The following ILKAP variants were observed in gnomAD, a reference collection of about 807,000 sequenced individuals.
The protein encoded by ILKAP is ILK associated serine/threonine phosphatase.
ILKAP carries 11 observed loss-of-function variants against 49.1 expected under a neutral mutation model. The ratio of observed to expected loss-of-function variants is 0.22; its 90% confidence interval spans 0.14 to 0.37. The LOEUF (loss-of-function observed/expected upper bound fraction) is 0.37. Among genes scored for constraint, ILKAP ranks in the 10% least tolerant of loss-of-function variants. ILKAP has a pLI of 1.00. For missense variants in ILKAP, 363 were observed against 510.8 expected, an observed-to-expected ratio of 0.71 and a Z score of 2.79; for synonymous variants, 186 against 192.8, an observed-to-expected ratio of 0.96 and a Z score of 0.29.
At chr2:238,186,638 ATT>A (rs1474343244) in intron 5 of ILKAP, 2 of 151,982 alleles carry the variant, frequency 1.3e-5, no homozygotes, top group Non-Finnish European at 2.9e-5. Context: ...TCTTATTCCC[ATT>A]CCCCTTTCAA....
chr2:238,185,149 T>C (rs768072467), intron 6 of ILKAP, 32 bp downstream of exon 6: 2 of 1,378,696 alleles, frequency 1.5e-6, no homozygotes, highest in Admixed American at 3.4e-5. Flanking sequence ...ATAACCAATT[T>C]GAGTATCAAC....
chr2:238,194,964 C>G, intron 1 of ILKAP, 94 bp from the exon 2 acceptor site: 2 of 940,570 alleles, frequency 2.1e-6, no homozygotes, highest in Admixed American at 4.2e-5. Flanking sequence ...TGCTTTGACA[C>G]AAGTTTGCTA....
chr2:238,198,580 G>A (rs1260543395), intron 1 of ILKAP, among the ~76,000 whole-genome samples: 18 of 152,146 alleles, frequency 1.2e-4, no homozygotes, highest in Admixed American at 1.0e-3. Context: ...AAAGCATTGG[G>A]GGCTGCAATC....
intron 4 of ILKAP, chr2:238,189,597 C>A (rs1694039927): frequency 3.7e-6 from 1 of 267,000 alleles, no homozygotes; most frequent in Non-Finnish European, 7.1e-6. Context: ...AAGAAAAAAA[C>A]CACCTGTATT....
chr2:238,188,028 A>T, intron 5 of ILKAP, 103 bp downstream of exon 5: 1 of 1,279,642 alleles, frequency 7.8e-7, no homozygotes, highest in Non-Finnish European at 1.1e-6. Context: ...CAATCAAGTG[A>T]TGTGTTAGAT....
At chr2:238,194,124 A>C in intron 3 of ILKAP, 151 bp downstream of exon 3, 1 of 592,910 alleles carries the variant, frequency 1.7e-6, no homozygotes. Flanking sequence ...GCTTCCAATT[A>C]ATGTGCCTGT....
At chr2:238,192,249 A>C (rs1161908242) in intron 3 of ILKAP, among the ~76,000 whole-genome samples, 1 of 152,026 alleles carries the variant, frequency 6.6e-6, no homozygotes, top group African/African-American at 2.4e-5. Context: ...AAAATAATAA[A>C]ATTTCAAAAT....
intron 4 of ILKAP, 165 bp downstream of exon 4, chr2:238,189,688 G>C: frequency 1.8e-6 from 1 of 549,212 alleles, no homozygotes; most frequent in Non-Finnish European, 3.2e-6. Context: ...AAAAGTAGGA[G>C]AAAGCACAGA....
At chr2:238,191,381 T>C (rs1367359474) in intron 3 of ILKAP, among the ~76,000 whole-genome samples, 1 of 152,186 alleles carries the variant, frequency 6.6e-6, no homozygotes, top group Admixed American at 6.5e-5. Context: ...GTCAGACATT[T>C]CTTAGTGCTG....
At chr2:238,183,879 T>A (rs1035734283) in intron 7 of ILKAP, 139 bp from the exon 8 acceptor site, 11 of 953,578 alleles carry the variant, frequency 1.2e-5, no homozygotes, top group Non-Finnish European at 1.8e-5. Context: ...TGTTTTAGAT[T>A]TAGCTAACGG....
chr2:238,171,809 G>T (rs1693231725), intron 10 of ILKAP, among the ~76,000 whole-genome samples: 1 of 152,136 alleles, frequency 6.6e-6, no homozygotes, highest in South Asian at 2.1e-4. Context: ...GCCCAAGAAG[G>T]GGCAGCTGTG....
chr2:238,170,524 G>A lies in ILKAP; in HGVS notation c.*12C>T, dbSNP rs763221497. 29 of 1,581,418 alleles carry A rather than the reference G, an allele frequency of 1.8e-5. No individual in the cohort carries two copies. The highest frequency in any genetic ancestry group is 2.3e-5 in the Non-Finnish European group (27 of 1,158,660). On this transcript the variant is annotated 3_prime_UTR_variant, in exon 12 of 12. Coordinates refer to ENST00000254654, the MANE Select transcript of ILKAP (RefSeq NM_030768.3). ...GTCAATACCATGCGTGCTCCTGGCCGCGCGCCACCCCTCAGTGCCCTATCC... is the reference window on the plus strand; with the variant it reads ...GTCAATACCATGCGTGCTCCTGGCCACGCGCCACCCCTCAGTGCCCTATCC...
chr2:238,187,217 T>C (rs1423206530), intron 5 of ILKAP, among the ~76,000 whole-genome samples: 2 of 152,204 alleles, frequency 1.3e-5, no homozygotes, highest in Non-Finnish European at 2.9e-5. Context: ...TGTGCCACTG[T>C]ACTCCAGCCT....
chr2:238,173,463 A>G (rs1574777937), intron 10 of ILKAP, 71 bp downstream of exon 10: 2 of 1,571,826 alleles, frequency 1.3e-6, no homozygotes, highest in East Asian at 2.3e-5. Flanking sequence ...AAGGCTTGAT[A>G]GAAACTGGAA....
intron 3 of ILKAP, among the ~76,000 whole-genome samples, chr2:238,191,895 G>T (rs940256212): frequency 6.9e-6 from 1 of 145,776 alleles, no homozygotes; most frequent in African/African-American, 2.6e-5. Context: ...ACAGAGCAAG[G>T]CTCCATCTCA....
At chr2:238,202,252 C>G (rs1023973742) in intron 1 of ILKAP, among the ~76,000 whole-genome samples, 3 of 152,082 alleles carry the variant, frequency 2.0e-5, no homozygotes, top group Non-Finnish European at 4.4e-5. Context: ...TTTTCTCGCC[C>G]AGAATTACTG....
chr2:238,183,860 C>A, intron 7 of ILKAP, 120 bp from the exon 8 acceptor site: 1 of 989,402 alleles, frequency 1.0e-6, no homozygotes, highest in Admixed American at 2.4e-5. Flanking sequence ...TTGATACTTG[C>A]TTTTTTTCTG....
intron 9 of ILKAP, among the ~76,000 whole-genome samples, chr2:238,178,018 T>C (rs1168743304): frequency 6.6e-6 from 1 of 152,020 alleles, no homozygotes; most frequent in East Asian, 1.9e-4. Context: ...CTGAAAACAA[T>C]AAACTGAATA....
In ILKAP at chr2:238,188,147, G is replaced by A; in HGVS notation, c.409C>T (p.Pro137Ser). 5.6e-6 allele frequency: 9 copies of A among 1,614,098 alleles called. No individual in the cohort carries two copies. Among genetic ancestry groups the A allele is most frequent in the Non-Finnish European group, 7.6e-6 (9 of 1,180,030 alleles). The change falls in exon 5 of 12, where the codon CCC becomes TCC. Residue 137 changes from proline to serine, a missense_variant. This residue lies in a region of ILKAP where 166 missense variants were observed against 307.3 expected (regional missense o/e 0.54). Coordinates refer to ENST00000254654, the MANE Select transcript of ILKAP (RefSeq NM_030768.3). ...ILNDITEECR[P>S]PSSLITRVSY... ...GAGACTCACATGAGGGACGATGGGG[G>A]CCTACACTCCTCGGTGATGTCGTTC...
Sources: allele counts gnomAD v4.1 joint callset (sites outside exome capture counted in the v4.1 genomes callset), GRCh38; gene constraint gnomAD v4.1.1; regional missense constraint gnomAD v4.1.1; transcripts MANE v1.5; gene names NCBI Gene and HGNC (gene_info 2026-07-23, HGNC 2026-07-21).